Variants in CTDSPL2 observed in about 807,000 individuals in gnomAD.
CTDSPL2 encodes the protein CTD small phosphatase like 2.
Under a neutral mutation model 60.0 loss-of-function variants are expected in CTDSPL2, and 5 were observed. That is an observed-to-expected ratio of 0.08 (90% CI 0.04 to 0.18). The LOEUF (loss-of-function observed/expected upper bound fraction) is 0.18. CTDSPL2 is among the 10% of genes least tolerant of loss of function. The pLI is 1.00. For synonymous variants in CTDSPL2, 186 were observed against 189.3 expected (o/e 0.98, Z 0.14); for missense variants, 370 against 548.8 (o/e 0.67, Z 3.26).
intron 1 of CTDSPL2, among the ~76,000 whole-genome samples, chr15:44,436,620 AGT>A (rs1255571091): frequency 6.6e-6 from 1 of 152,178 alleles, no homozygotes; most frequent in Non-Finnish European, 1.5e-5. Flanking sequence ...CTGGAAACTG[AGT>A]GTGTCCACCT....
intron 1 of CTDSPL2, among the ~76,000 whole-genome samples, chr15:44,430,968 C>T (rs1167492617): frequency 1.3e-5 from 2 of 151,850 alleles, no homozygotes; most frequent in African/African-American, 2.4e-5. Flanking sequence ...ACTACAGGCA[C>T]GCGCCACCAC....
chr15:44,440,179 TTTTG>T (rs149855358), intron 1 of CTDSPL2, among the ~76,000 whole-genome samples: 4,503 of 151,514 alleles, frequency 0.03, 239 homozygotes, highest in African/African-American at 0.1. Flanking sequence ...AAAGTTGTTT[TTTTG>T]TTTGTTTGTT....
chr15:44,486,758 GTTTTT>G, intron 4 of CTDSPL2, 58 bp downstream of exon 4: 32 of 800,228 alleles, frequency 4.0e-5, no homozygotes, highest in South Asian at 8.0e-5. Flanking sequence ...CATAGTTTGG[GTTTTT>G]TTTTTTTTTT....
intron 8 of CTDSPL2, among the ~76,000 whole-genome samples, chr15:44,511,887 A>G (rs926777831): frequency 1.3e-5 from 2 of 151,360 alleles, no homozygotes; most frequent in East Asian, 1.9e-4. Flanking sequence ...AAAAAAAAAA[A>G]AAAAAGAAAA....
intron 8 of CTDSPL2, among the ~76,000 whole-genome samples, chr15:44,511,552 A>G (rs1395411443): frequency 2.0e-5 from 3 of 152,210 alleles, no homozygotes; most frequent in Non-Finnish European, 4.4e-5. Flanking sequence ...AATTCAAAAA[A>G]TGCGAAATCT....
At chr15:44,511,345 T>TAG (rs2081561936) in intron 8 of CTDSPL2, among the ~76,000 whole-genome samples, 1 of 152,212 alleles carries the variant, frequency 6.6e-6, no homozygotes, top group African/African-American at 2.4e-5. Context: ...CACAATGAAG[T>TAG]TATAGCTTTG....
chr15:44,517,622 A>G (rs1273737229), intron 10 of CTDSPL2: 2 of 152,222 alleles, frequency 1.3e-5, no homozygotes, highest in Admixed American at 6.5e-5. Context: ...AATACATGCT[A>G]TACACCCTCA....
At position 44,458,794 on chromosome 15, in the gene CTDSPL2, G is replaced by A. The variant is rs117174670; in HGVS notation, c.-24-197G>A. On this transcript the variant is annotated intron_variant, in intron 1 of 12. Coordinates refer to ENST00000260327, the MANE Select transcript of CTDSPL2 (RefSeq NM_016396.3). ...TCAGAGGTTGTTGGGAAGGTTACTT[G>A]GGATAATATAAATAATGTATAAAGC... Among the ~76,000 whole-genome samples the A allele has an allele frequency of 9.7e-4, 148 of 152,198 alleles. 2 individuals are homozygous for A. In the East Asian group the frequency reaches 0.027, roughly 28 times the overall value.
At chr15:44,441,573 T>A (rs555542352) in intron 1 of CTDSPL2, among the ~76,000 whole-genome samples, 8 of 152,124 alleles carry the variant, frequency 5.3e-5, no homozygotes, top group Non-Finnish European at 1.0e-4. Flanking sequence ...GAATTCTTTT[T>A]ACCTGGTTTT....
chr15:44,449,583 G>A (rs1381859864), intron 1 of CTDSPL2, among the ~76,000 whole-genome samples: 2 of 151,880 alleles, frequency 1.3e-5, no homozygotes, highest in African/African-American at 2.4e-5. Flanking sequence ...CGCCCACCTC[G>A]GCTTCCCAAA....
chr15:44,446,140 GTTC>G (rs1246652063), intron 1 of CTDSPL2, among the ~76,000 whole-genome samples: 1 of 151,672 alleles, frequency 6.6e-6, no homozygotes, highest in Non-Finnish European at 1.5e-5. Flanking sequence ...TGACCAGGCA[GTTC>G]TCGAACTCCT....
intron 10 of CTDSPL2, among the ~76,000 whole-genome samples, chr15:44,515,782 A>C (rs2081639992): frequency 6.6e-6 from 1 of 151,954 alleles, no homozygotes. Context: ...CTGAGGCAGG[A>C]GAATCGCTTG....
chr15:44,442,947 A>G (rs1487023084), intron 1 of CTDSPL2, among the ~76,000 whole-genome samples: 1 of 152,022 alleles, frequency 6.6e-6, no homozygotes, highest in Non-Finnish European at 1.5e-5. Flanking sequence ...GCTGCACTCC[A>G]GCCTGGGTGA....
intron 1 of CTDSPL2, among the ~76,000 whole-genome samples, chr15:44,430,350 G>A (rs2079832142): frequency 6.6e-6 from 1 of 152,052 alleles, no homozygotes; most frequent in Non-Finnish European, 1.5e-5. Flanking sequence ...GGCCTATGCA[G>A]TCCTCCTGCT....
chr15:44,520,535 A>T (rs902646601), intron 11 of CTDSPL2: 3 of 152,118 alleles, frequency 2.0e-5, no homozygotes, highest in Admixed American at 2.0e-4. Flanking sequence ...TATAAACTAG[A>T]TTTGTCCTGT....
chr15:44,455,781 A>G (rs1378052047), intron 1 of CTDSPL2, among the ~76,000 whole-genome samples: 6 of 148,924 alleles, frequency 4.0e-5, no homozygotes, highest in Non-Finnish European at 3.0e-5. Context: ...TCAGTTGATC[A>G]TGGTGGATAA....
rs2081840010 is a variant in CTDSPL2, at chr15:44,524,375, A to G, written c.*201A>G. 6 of 547,266 alleles carry G rather than the reference A, an allele frequency of 1.1e-5. No homozygotes were observed. Among genetic ancestry groups the G allele is most frequent in the Non-Finnish European group, 1.9e-5 (6 of 307,840 alleles). 33.9% of individuals were successfully genotyped at this position (547,266 alleles called of 1,614,324 possible). On this transcript the variant is annotated 3_prime_UTR_variant, in exon 13 of 13. Coordinates refer to ENST00000260327, the MANE Select transcript of CTDSPL2 (RefSeq NM_016396.3). The stretch of plus-strand genomic sequence containing the variant: ...ATCGAATACATATAGTAGGTAGGCT[A>G]AAACAGAAGAGTCTTTAGAACTAGT...
chr15:44,474,341 A>AT (rs1337724727), intron 2 of CTDSPL2, among the ~76,000 whole-genome samples: 1 of 152,136 alleles, frequency 6.6e-6, no homozygotes, highest in Non-Finnish European at 1.5e-5. Flanking sequence ...AGTACAAGAA[A>AT]TTAGCTGGGC....
intron 8 of CTDSPL2, chr15:44,503,756 C>T (rs933945685): frequency 1.3e-5 from 2 of 152,258 alleles, no homozygotes; most frequent in Non-Finnish European, 2.9e-5. Flanking sequence ...TGATTTTTGA[C>T]TCTGTTCACC....
Sources: allele counts gnomAD v4.1 joint callset (sites outside exome capture counted in the v4.1 genomes callset), GRCh38; gene constraint gnomAD v4.1.1; transcripts MANE v1.5; gene names NCBI Gene and HGNC (gene_info 2026-07-23, HGNC 2026-07-21).